Variants in SLC39A11 observed in about 807,000 individuals in gnomAD.
SLC39A11 encodes the protein solute carrier family 39 member 11, also known as zinc transporter ZIP11.
A neutral mutation model predicts 36.1 loss-of-function variants in SLC39A11; 33 were observed. That is an observed-to-expected ratio of 0.91 (90% CI 0.69 to 1.22). The LOEUF is 1.22. Ranked by LOEUF, SLC39A11 falls within the 50% of genes most tolerant of loss-of-function variation. The probability of loss-of-function intolerance (pLI) is 0.00; values close to 1 mark genes in which losing one functional copy is unlikely to be tolerated. For synonymous variants in SLC39A11, 166 were observed against 170.3 expected, an observed-to-expected ratio of 0.97 and a Z score of 0.20; for missense variants, 432 against 430.3, an observed-to-expected ratio of 1.00 and a Z score of -0.03.
At chr17:72,989,876 G>A (rs1440837301) in intron 4 of SLC39A11, among the ~76,000 whole-genome samples, 5 of 152,182 alleles carry the variant, frequency 3.3e-5, no homozygotes. Context: ...TGTCACCTAG[G>A]ATAAAATGAC....
At chr17:72,940,279 T>TC (rs977952641) in intron 5 of SLC39A11, among the ~76,000 whole-genome samples, 4 of 149,518 alleles carry the variant, frequency 2.7e-5, no homozygotes, top group Non-Finnish European at 5.9e-5. Flanking sequence ...CCATCTGACT[T>TC]TTTTTTTTTT....
chr17:72,731,507 A>T (rs2074213934), intron 7 of SLC39A11, among the ~76,000 whole-genome samples: 1 of 150,112 alleles, frequency 6.7e-6, no homozygotes, highest in African/African-American at 2.5e-5. Flanking sequence ...ATTAAGTATT[A>T]AAAAGTGCTT....
At chr17:73,064,198 CA>C (rs2059929486) in intron 3 of SLC39A11, among the ~76,000 whole-genome samples, 2 of 152,094 alleles carry the variant, frequency 1.3e-5, no homozygotes, top group Non-Finnish European at 2.9e-5. Context: ...CTGATGGTTC[CA>C]TTTGGTTTGC....
intron 3 of SLC39A11, among the ~76,000 whole-genome samples, chr17:73,057,492 TAAAAAC>T (rs1282968199): frequency 6.6e-6 from 1 of 152,186 alleles, no homozygotes; most frequent in Non-Finnish European, 1.5e-5. Flanking sequence ...CTTCCAATCT[TAAAAAC>T]AAAAACAAAT....
intron 6 of SLC39A11, among the ~76,000 whole-genome samples, chr17:72,834,916 A>G (rs1313653741): frequency 6.6e-6 from 1 of 152,240 alleles, no homozygotes; most frequent in Non-Finnish European, 1.5e-5. Context: ...TGAAGGCCAG[A>G]AAGTAGGGCT....
rs577811127 is a variant in SLC39A11, at chr17:72,690,153, C to G, written c.672-40885G>C. ...CTGTACCCAGGCTGGTGGCGGGGCTCAAGAGCCCAGGTGAGACTGTCCCAT... is the reference window on the plus strand; with the variant it reads ...CTGTACCCAGGCTGGTGGCGGGGCTGAAGAGCCCAGGTGAGACTGTCCCAT... On this transcript the variant is annotated intron_variant, in intron 7 of 9. Transcript: ENST00000255559. 1.1e-3 allele frequency among the ~76,000 whole-genome samples: 174 copies of G among 152,312 alleles called. 2 individuals are homozygous for G. Among genetic ancestry groups the G allele is most frequent in the Non-Finnish European group, 3.2e-4 (22 of 68,026 alleles).
At chr17:72,933,911 G>A (rs889581276) in intron 5 of SLC39A11, among the ~76,000 whole-genome samples, 6 of 152,062 alleles carry the variant, frequency 3.9e-5, no homozygotes, top group Non-Finnish European at 5.9e-5. Flanking sequence ...AGAATGAAGG[G>A]TCCAAAAACA....
intron 3 of SLC39A11, among the ~76,000 whole-genome samples, chr17:73,033,827 C>T (rs1008538262): frequency 3.9e-5 from 6 of 152,334 alleles, no homozygotes; most frequent in East Asian, 1.9e-4. Context: ...GGTATTACAA[C>T]AGCAACAATA....
chr17:73,077,529 T>C (rs1354735940), intron 3 of SLC39A11, among the ~76,000 whole-genome samples: 4 of 152,328 alleles, frequency 2.6e-5, no homozygotes, highest in South Asian at 4.1e-4. Context: ...GGTTTCTCCA[T>C]GTTGTCCAGA....
intron 6 of SLC39A11, among the ~76,000 whole-genome samples, chr17:72,792,745 G>A (rs2567516): frequency 0.59 from 89,000 of 151,950 alleles, 27,305 homozygotes; most frequent in Non-Finnish European, 0.7. Flanking sequence ...TTAAGGTCAG[G>A]GGTCTTCCCC....
intron 6 of SLC39A11, among the ~76,000 whole-genome samples, chr17:72,772,256 C>G (rs977011126): frequency 6.6e-6 from 1 of 152,230 alleles, no homozygotes; most frequent in Non-Finnish European, 1.5e-5. Flanking sequence ...CTCTTCATAC[C>G]TGAGCACTCT....
intron 7 of SLC39A11, among the ~76,000 whole-genome samples, chr17:72,667,467 C>T (rs1598284338): frequency 6.6e-6 from 1 of 152,184 alleles, no homozygotes; most frequent in Non-Finnish European, 1.5e-5. Context: ...GGACTCAGTG[C>T]TTTGCCATTG....
intron 6 of SLC39A11, among the ~76,000 whole-genome samples, chr17:72,797,221 G>A (rs2076926162): frequency 6.6e-6 from 1 of 152,104 alleles, no homozygotes; most frequent in Admixed American, 6.5e-5. Flanking sequence ...AGCTCAAGAG[G>A]CTATGCTAGT....
chr17:73,067,398 G>T (rs2060027577), intron 3 of SLC39A11, among the ~76,000 whole-genome samples: 1 of 152,214 alleles, frequency 6.6e-6, no homozygotes, highest in African/African-American at 2.4e-5. Flanking sequence ...CCTTGGGTCA[G>T]AAAGACAAAG....
intron 3 of SLC39A11, among the ~76,000 whole-genome samples, chr17:73,033,287 T>G (rs1001089228): frequency 6.6e-6 from 1 of 152,198 alleles, no homozygotes; most frequent in African/African-American, 2.4e-5. Flanking sequence ...ATTGGGGACC[T>G]CTGCCATAGG....
chr17:72,934,955 C>T (rs2084651415), intron 5 of SLC39A11, among the ~76,000 whole-genome samples: 2 of 152,190 alleles, frequency 1.3e-5, no homozygotes, highest in African/African-American at 2.4e-5. Flanking sequence ...ACGGCTTATC[C>T]GCTTTAGAAA....
intron 4 of SLC39A11, among the ~76,000 whole-genome samples, chr17:72,964,327 C>T (rs1180064459): frequency 6.6e-6 from 1 of 152,206 alleles, no homozygotes; most frequent in African/African-American, 2.4e-5. Context: ...CCTGGATGAG[C>T]TGCGTAGTTT....
chr17:72,987,296 CTG>C (rs748051001), intron 4 of SLC39A11, among the ~76,000 whole-genome samples: 1 of 152,222 alleles, frequency 6.6e-6, no homozygotes, highest in Non-Finnish European at 1.5e-5. Flanking sequence ...AACCTATTGT[CTG>C]TAAATTACCC....
intron 7 of SLC39A11, among the ~76,000 whole-genome samples, chr17:72,728,603 T>C (rs577319515): frequency 6.6e-6 from 1 of 152,282 alleles, no homozygotes; most frequent in East Asian, 1.9e-4. Context: ...CCAAAGACAA[T>C]ATGTAAACAA....
Sources: allele counts gnomAD v4.1 joint callset (sites outside exome capture counted in the v4.1 genomes callset), GRCh38; gene constraint gnomAD v4.1.1; transcripts MANE v1.5; gene names NCBI Gene and HGNC (gene_info 2026-07-23, HGNC 2026-07-21).